ANK3: variants seen among roughly 807,000 people sequenced by gnomAD.
The protein encoded by ANK3 is ankyrin 3.
Under a neutral mutation model 370.9 loss-of-function variants are expected in ANK3, and 57 were observed. The ratio of observed to expected loss-of-function variants is 0.15; its 90% confidence interval spans 0.12 to 0.19. The LOEUF (loss-of-function observed/expected upper bound fraction) is 0.19, where lower values mean the gene tolerates loss of function less well. Among genes scored for constraint, ANK3 ranks in the 10% least tolerant of loss-of-function variants. The pLI is 1.00. For missense variants in ANK3, 4,439 were observed against 5,302.1 expected (o/e 0.84, Z 5.06); for synonymous variants, 1,929 against 1,946.3 (o/e 0.99, Z 0.23).
chr10:60,064,881 T>G (rs1171449834), intron 38 of ANK3, among the ~76,000 whole-genome samples: 1 of 152,084 alleles, frequency 6.6e-6, no homozygotes, highest in Non-Finnish European at 1.5e-5. Context: ...AACAAGATTT[T>G]TGGAGTTTGC....
intron 2 of ANK3, among the ~76,000 whole-genome samples, chr10:60,469,756 C>T (rs553667703): frequency 8.8e-4 from 129 of 147,044 alleles, no homozygotes; most frequent in Admixed American, 1.3e-3. Context: ...TAATATTTCT[C>T]TTCCAATTGT....
chr10:60,446,610 T>C (rs965681810), intron 2 of ANK3, among the ~76,000 whole-genome samples: 1 of 152,236 alleles, frequency 6.6e-6, no homozygotes, highest in South Asian at 2.1e-4. Flanking sequence ...TTTGTTCTTT[T>C]GAGCTTTTCC....
chr10:60,496,593 A>G (rs1169869558), intron 2 of ANK3, among the ~76,000 whole-genome samples: 4 of 151,758 alleles, frequency 2.6e-5, no homozygotes, highest in Non-Finnish European at 5.9e-5. Flanking sequence ...AAAATCTTCC[A>G]TACAAACATT....
chr10:60,072,374 T>C lies in ANK3; in HGVS notation c.8507A>G (p.His2836Arg), dbSNP rs1443750227. ...SEQQAKDLAC[H>R]ITSDLATRGP... ...CCTAGTTGCTAAATCTGAGGTTATA[T>C]GACATGCCAAGTCTTTAGCCTGCTG... The change falls in exon 37 of 44, where the codon CAT becomes CGT. Residue 2836 changes from histidine to arginine, a missense_variant. Transcript: ENST00000280772. 1.2e-6 allele frequency: 2 copies of C among 1,614,032 alleles called. No individual in the cohort carries two copies. The highest frequency in any genetic ancestry group is 1.1e-5 in the South Asian group (1 of 91,036).
At chr10:60,145,534 T>C (rs2094773975) in intron 23 of ANK3, among the ~76,000 whole-genome samples, 3 of 152,238 alleles carry the variant, frequency 2.0e-5, no homozygotes, top group Non-Finnish European at 1.5e-5. Flanking sequence ...GCATTTACTA[T>C]GTTTTAGGCA....
At chr10:60,355,102 A>C (rs1009855003) in intron 1 of ANK3, among the ~76,000 whole-genome samples, 10 of 152,216 alleles carry the variant, frequency 6.6e-5, no homozygotes, top group Non-Finnish European at 1.3e-4. Flanking sequence ...AGAAGGAAAT[A>C]TGCTACATTG....
chr10:60,364,356 T>A (rs1401950257), intron 1 of ANK3, among the ~76,000 whole-genome samples: 1 of 150,566 alleles, frequency 6.6e-6, no homozygotes, highest in Non-Finnish European at 1.5e-5. Context: ...TGTAAAGAGG[T>A]ATCTCAAGAG....
chr10:60,425,387 T>C (rs1351671373), intron 2 of ANK3, among the ~76,000 whole-genome samples: 1 of 152,154 alleles, frequency 6.6e-6, no homozygotes, highest in African/African-American at 2.4e-5. Context: ...GAAGAAATAT[T>C]GGAATACGTA....
At chr10:60,065,608 T>A (rs75605538) in intron 38 of ANK3, among the ~76,000 whole-genome samples, 2,153 of 152,274 alleles carry the variant, frequency 0.014, 43 homozygotes, top group African/African-American at 0.05. Flanking sequence ...AATCTGCATG[T>A]TGAACAAAAG....
intron 23 of ANK3, chr10:60,140,804 A>G (rs2094527166): frequency 7.9e-6 from 8 of 1,006,446 alleles, no homozygotes; most frequent in Non-Finnish European, 9.5e-6. Flanking sequence ...CGGTAATTTG[A>G]TACCAATGCG....
chr10:60,578,819 G>T (rs576387555), intron 2 of ANK3, among the ~76,000 whole-genome samples: 2 of 152,160 alleles, frequency 1.3e-5, no homozygotes, highest in Admixed American at 6.5e-5. Flanking sequence ...GATTAGAAAA[G>T]GAATTAGATT....
intron 2 of ANK3, among the ~76,000 whole-genome samples, chr10:60,499,704 C>T (rs2075749478): frequency 6.6e-6 from 1 of 152,088 alleles, no homozygotes; most frequent in African/African-American, 2.4e-5. Context: ...TACTAAGAGG[C>T]CAACTCAAAA....
rs116922838 is a variant in ANK3, at chr10:60,261,746, A to G, written c.798+113T>C. ...AGGATGAGTAGAAATCATAGCCTTC[A>G]CTGACTGGAAGGACTCTTGGAGAAA... On this transcript the variant is annotated intron_variant, in intron 7 of 43. Coordinates refer to ENST00000280772, the MANE Select transcript of ANK3 (RefSeq NM_020987.5). 5.7e-4 allele frequency: 468 copies of G among 815,766 alleles called. 4 individuals are homozygous for G. In the East Asian group the frequency reaches 8.5e-3, roughly 15 times the overall value. The allele number at this position is 815,766 out of a possible 1,614,324, so 50.5% of individuals were successfully genotyped here.
chr10:60,646,126 C>T (rs905663445), intron 1 of ANK3, among the ~76,000 whole-genome samples: 1 of 151,368 alleles, frequency 6.6e-6, no homozygotes, highest in Admixed American at 6.6e-5. Flanking sequence ...CCAATATCAG[C>T]AGGCAGGGAG....
At chr10:60,125,308 G>A (rs1423236387) in intron 25 of ANK3, among the ~76,000 whole-genome samples, 2 of 152,126 alleles carry the variant, frequency 1.3e-5, no homozygotes, top group African/African-American at 2.4e-5. Flanking sequence ...ACAAAAGAAG[G>A]TGAATCAAGG....
At chr10:60,293,185 C>CAG (rs762425026) in intron 1 of ANK3, among the ~76,000 whole-genome samples, 1 of 152,162 alleles carries the variant, frequency 6.6e-6, no homozygotes, top group Admixed American at 6.6e-5. Context: ...CCTTGTTTAC[C>CAG]AGAGAGAGTG....
At chr10:60,392,679 A>G (rs2063137095), upstream of ANK3, among the ~76,000 whole-genome samples, 1 of 152,224 alleles carries the variant, frequency 6.6e-6, no homozygotes, top group African/African-American at 2.4e-5. Flanking sequence ...CTATAATCCC[A>G]GCACTTTGGG....
chr10:60,355,070 A>G, intron 1 of ANK3, among the ~76,000 whole-genome samples: 1 of 152,204 alleles, frequency 6.6e-6, no homozygotes, highest in East Asian at 1.9e-4. Context: ...CACTTAAGAA[A>G]TAGTACATAA....
chr10:60,043,681 T>TA (rs1419315626), intron 42 of ANK3: 8 of 985,368 alleles, frequency 8.1e-6, no homozygotes, highest in African/African-American at 1.7e-5. Flanking sequence ...TTCTAACTTT[T>TA]AAAGCCTGTG....
Sources: allele counts gnomAD v4.1 joint callset (sites outside exome capture counted in the v4.1 genomes callset), GRCh38; gene constraint gnomAD v4.1.1; transcripts MANE v1.5; gene names NCBI Gene and HGNC (gene_info 2026-07-23, HGNC 2026-07-21).